The following FRY variants were observed in gnomAD, a reference collection of about 807,000 sequenced individuals.
The protein encoded by FRY is FRY microtubule binding protein, also known as protein furry homolog.
In FRY, 128 loss-of-function variants were observed where a neutral mutation model predicts 348.4. The observed-to-expected ratio is 0.37, with a 90% CI of 0.32 to 0.43. The LOEUF is 0.43. Among genes scored for constraint, FRY ranks in the 20% least tolerant of loss-of-function variants. The pLI is 1.00. For missense variants in FRY, 2,736 were observed against 3,695.2 expected, an observed-to-expected ratio of 0.74 and a Z score of 6.73; for synonymous variants, 1,370 against 1,374.7, an observed-to-expected ratio of 1.00 and a Z score of 0.08.
intron 58 of FRY, among the ~76,000 whole-genome samples, chr13:32,281,844 T>C (rs1312695352): frequency 6.6e-6 from 1 of 152,192 alleles, no homozygotes; most frequent in Non-Finnish European, 1.5e-5. Context: ...GTTACAGTTA[T>C]TCTCTGTTTT....
intron 29 of FRY, among the ~76,000 whole-genome samples, chr13:32,195,300 T>C (rs958117336): frequency 6.6e-6 from 1 of 152,140 alleles, no homozygotes; most frequent in African/African-American, 2.4e-5. Flanking sequence ...AACTGCCTGA[T>C]TTTCCATCAA....
intron 2 of FRY, among the ~76,000 whole-genome samples, chr13:32,097,362 C>CTTTTTTTTTT (rs34054013): frequency 7.9e-6 from 1 of 126,494 alleles, no homozygotes; most frequent in Non-Finnish European, 1.6e-5. Context: ...CCTTTTTTTC[C>CTTTTTTTTTT]TTTTTTTTTT....
chr13:32,231,162 TG>T lies in FRY; in HGVS notation c.5406-16del. On this transcript the variant is annotated splice_polypyrimidine_tract_variant and intron_variant, in intron 40 of 60. Coordinates refer to ENST00000542859, the MANE Select transcript of FRY (RefSeq NM_023037.3). The stretch of plus-strand genomic sequence containing the variant: ...AATGACAGTTATATTTTTGACATTT[TG>T]TGTGTTTTGTTTAAGGGCATTTGGT... The T allele has an allele frequency of 6.2e-7, 1 of 1,612,058 alleles. No homozygotes were observed.
chr13:32,124,338 T>G lies in FRY; in HGVS notation c.517T>G (p.Phe173Val), dbSNP rs755164021. The G allele has an allele frequency of 6.3e-7, 1 of 1,597,604 alleles. No homozygotes were observed. The highest frequency in any genetic ancestry group is 8.6e-7 in the Non-Finnish European group (1 of 1,165,332). The change falls in exon 5 of 61, where the codon TTT becomes GTT. Residue 173 changes from phenylalanine (F) to valine (V), a missense_variant. Phe to Val is a conservative substitution (Grantham distance 50). Coordinates refer to ENST00000542859, the MANE Select transcript of FRY (RefSeq NM_023037.3). ...LMERRDLAID[F>V]IFSLVLIEVL... ...GGAAAGACGGGACCTCGCCATTGATTTTATTTTTTCTTTAGTATTAATAGA... is the reference window on the plus strand; with the variant it reads ...GGAAAGACGGGACCTCGCCATTGATGTTATTTTTTCTTTAGTATTAATAGA...
At chr13:32,245,407 C>T (rs1886741914) in intron 47 of FRY, among the ~76,000 whole-genome samples, 1 of 151,890 alleles carries the variant, frequency 6.6e-6, no homozygotes, top group African/African-American at 2.4e-5. Flanking sequence ...GAGTTCAAGA[C>T]CAGCCTGGGC....
chr13:32,101,917 A>T, intron 2 of FRY, 46 bp from the exon 3 acceptor site: 1 of 1,023,654 alleles, frequency 9.8e-7, no homozygotes, highest in South Asian at 1.3e-5. Flanking sequence ...TATACTATTT[A>T]AGAGACTCTA....
chr13:32,085,640 G>A (rs1224868313), intron 2 of FRY, among the ~76,000 whole-genome samples: 1 of 152,192 alleles, frequency 6.6e-6, no homozygotes, highest in East Asian at 1.9e-4. Flanking sequence ...GAGCATGTAG[G>A]AGATGCTCAT....
intron 3 of FRY, among the ~76,000 whole-genome samples, chr13:32,102,686 T>C (rs927046148): frequency 1.3e-5 from 2 of 152,144 alleles, no homozygotes; most frequent in South Asian, 2.1e-4. Flanking sequence ...GTAATAAACA[T>C]ATGAAATCAG....
rs949538239 is a variant in FRY at position 32,216,968 on chromosome 13, G to A, written c.4683-1781G>A. 3.3e-5 allele frequency among the ~76,000 whole-genome samples: 5 copies of A among 152,296 alleles called. 1 individual carries two copies. The South Asian group carries it at 1.0e-3, about 32-fold the overall frequency. On this transcript the variant is annotated intron_variant, in intron 35 of 60. Transcript: ENST00000542859. ...ACCAAGCTCATTACAGTACATTTCTGTAATTCAGCAAATCCAAATCACTGA... is the reference window on the plus strand; with the variant it reads ...ACCAAGCTCATTACAGTACATTTCTATAATTCAGCAAATCCAAATCACTGA...
In FRY at chr13:32,031,801, C is replaced by T. The variant is rs780962519; in HGVS notation, c.6C>T (p.Ala2=). Residue 2 remains alanine (A), a synonymous_variant, in exon 1 of 61, where the codon GCC becomes GCT. Coordinates refer to ENST00000542859, the MANE Select transcript of FRY (RefSeq NM_023037.3). M[A]SQQDSGFFEI... The stretch of plus-strand genomic sequence containing the variant: ...CCTCTTTGTATGCCGCAGACATGGC[C>T]AGCCAGCAGGATTCGGGCTTCTTTG... 4 of 1,605,518 alleles carry T rather than the reference C, an allele frequency of 2.5e-6. No homozygotes were observed. In the South Asian group the frequency reaches 4.4e-5, roughly 18 times the overall value.
At chr13:32,195,954 T>G (rs2138304541) in intron 29 of FRY, among the ~76,000 whole-genome samples, 1 of 152,312 alleles carries the variant, frequency 6.6e-6, no homozygotes, top group East Asian at 1.9e-4. Context: ...ATTTAAAATT[T>G]CAGCTGTTGC....
intron 8 of FRY, among the ~76,000 whole-genome samples, chr13:32,132,689 T>C (rs1228453707): frequency 6.6e-6 from 1 of 152,190 alleles, no homozygotes; most frequent in African/African-American, 2.4e-5. Flanking sequence ...CTCCTAGGTA[T>C]ATGCACAAGA....
At chr13:32,207,079 T>A (rs1016423440) in intron 31 of FRY, among the ~76,000 whole-genome samples, 3 of 152,150 alleles carry the variant, frequency 2.0e-5, no homozygotes, top group Non-Finnish European at 2.9e-5. Flanking sequence ...CAGGCATACA[T>A]CCCTACCCTC....
At chr13:32,235,668 A>G (rs1886191173) in intron 42 of FRY, among the ~76,000 whole-genome samples, 1 of 152,202 alleles carries the variant, frequency 6.6e-6, no homozygotes, top group South Asian at 2.1e-4. Flanking sequence ...CTGCACACCT[A>G]CAGACACTAC....
chr13:32,112,758 G>A (rs1878052233), intron 3 of FRY, among the ~76,000 whole-genome samples: 3 of 152,114 alleles, frequency 2.0e-5, no homozygotes, highest in East Asian at 1.9e-4. Flanking sequence ...AATACTATCT[G>A]TAAACAGGAA....
chr13:32,196,718 A>T (rs1883698148), intron 29 of FRY, among the ~76,000 whole-genome samples: 2 of 152,214 alleles, frequency 1.3e-5, no homozygotes, highest in African/African-American at 4.8e-5. Context: ...GGAAATGAGG[A>T]TAAAGATAGA....
At chr13:32,198,035 C>G (rs947634524) in intron 29 of FRY, among the ~76,000 whole-genome samples, 1 of 152,162 alleles carries the variant, frequency 6.6e-6, no homozygotes, top group African/African-American at 2.4e-5. Context: ...AGTACAGATA[C>G]TTTATTTGTA....
In FRY at chr13:32,149,842, T is replaced by C; in HGVS notation, c.1479+8T>C. On this transcript the variant is annotated splice_region_variant and intron_variant, in intron 14 of 60. Coordinates refer to ENST00000542859, the MANE Select transcript of FRY (RefSeq NM_023037.3). ...TTCAGTCTCAACCCAGAGGTATGAA[T>C]GATCCTTTTATGTACTTCTAACAGA... 1 of 1,554,700 alleles carries C rather than the reference T, an allele frequency of 6.4e-7. No individual in the cohort carries two copies. Among genetic ancestry groups the C allele is most frequent in the Non-Finnish European group, 8.9e-7 (1 of 1,125,764 alleles).
chr13:32,297,670 G>A lies in FRY; in HGVS notation c.*2210G>A, dbSNP rs1198671187. The A allele has an allele frequency of 6.6e-6, 1 of 152,148 alleles. No individual in the cohort carries two copies. Among genetic ancestry groups the A allele is most frequent in the East Asian group, 1.9e-4 (1 of 5,204 alleles). 9.4% of individuals were successfully genotyped at this position (152,148 alleles called of 1,614,324 possible). On this transcript the variant is annotated 3_prime_UTR_variant, in exon 61 of 61. Coordinates refer to ENST00000542859, the MANE Select transcript of FRY (RefSeq NM_023037.3). ...CACCTCCTCTACTTTAAGTGGAGAT[G>A]GGAAAAATTGTGTAGGATGCAGCCC...
Sources: allele counts gnomAD v4.1 joint callset (sites outside exome capture counted in the v4.1 genomes callset), GRCh38; gene constraint gnomAD v4.1.1; transcripts MANE v1.5; gene names NCBI Gene and HGNC (gene_info 2026-07-23, HGNC 2026-07-21).